Variants in NCKAP5 observed in about 807,000 individuals in gnomAD.
The protein encoded by NCKAP5 is NCK associated protein 5, also known as nck-associated protein 5.
NCKAP5 carries 92 observed loss-of-function variants against 167.0 expected under a neutral mutation model. That is an observed-to-expected ratio of 0.55 (90% CI 0.47 to 0.66). The LOEUF (loss-of-function observed/expected upper bound fraction) is 0.66. Ranked by LOEUF, NCKAP5 falls within the 30% of genes least tolerant of loss-of-function variation. NCKAP5 has a pLI of 0.00. For synonymous variants in NCKAP5, 891 were observed against 877.4 expected, an observed-to-expected ratio of 1.02 and a Z score of -0.27; for missense variants, 2,378 against 2,315.0, an observed-to-expected ratio of 1.03 and a Z score of -0.56.
At chr2:133,497,285 A>C (rs1408229530) in intron 3 of NCKAP5, among the ~76,000 whole-genome samples, 1 of 152,208 alleles carries the variant, frequency 6.6e-6, no homozygotes, top group Non-Finnish European at 1.5e-5. Context: ...ACTACAACAC[A>C]GCTTATCATC....
chr2:132,674,729 G>A (rs1010898337), intron 19 of NCKAP5, among the ~76,000 whole-genome samples: 2 of 152,184 alleles, frequency 1.3e-5, no homozygotes, highest in African/African-American at 4.8e-5. Context: ...TGTGTTCCAA[G>A]AGCAGACACG....
chr2:133,554,458 T>C (rs1334061391), intron 2 of NCKAP5: 1 of 152,140 alleles, frequency 6.6e-6, no homozygotes, highest in Non-Finnish European at 1.5e-5. Flanking sequence ...CAACAGAACA[T>C]TGGTAATTAC....
At chr2:133,499,847 C>A (rs1373984018) in intron 3 of NCKAP5, among the ~76,000 whole-genome samples, 1 of 152,290 alleles carries the variant, frequency 6.6e-6, no homozygotes, top group East Asian at 1.9e-4. Context: ...CGTGAGCCAC[C>A]GCGCCTGGCC....
intron 7 of NCKAP5, among the ~76,000 whole-genome samples, chr2:132,988,460 C>CAAAAA (rs57024269): frequency 6.8e-4 from 48 of 70,614 alleles, no homozygotes; most frequent in African/African-American, 2.4e-3. Flanking sequence ...GACTTTGCCT[C>CAAAAA]AAAAAAAAAA....
intron 8 of NCKAP5, among the ~76,000 whole-genome samples, chr2:132,933,339 G>A (rs1323722132): frequency 2.0e-5 from 3 of 152,162 alleles, no homozygotes; most frequent in African/African-American, 4.8e-5. Context: ...CCATGAGTGA[G>A]GGTAGAGGAA....
chr2:132,981,469 A>G (rs566062081), intron 7 of NCKAP5, among the ~76,000 whole-genome samples: 3 of 152,300 alleles, frequency 2.0e-5, no homozygotes, highest in East Asian at 1.9e-4. Flanking sequence ...GGCATGTGAC[A>G]AGCCCTAAAA....
At chr2:133,578,433 G>A in the NCKAP5 span, among the ~76,000 whole-genome samples, 1 of 152,228 alleles carries the variant, frequency 6.6e-6, no homozygotes, top group African/African-American at 2.4e-5. Flanking sequence ...GCACTGCATG[G>A]GTCCCTTGTC....
At chr2:132,729,027 G>A in intron 17 of NCKAP5, 75 bp from the exon 18 acceptor site, 2 of 1,571,836 alleles carry the variant, frequency 1.3e-6, no homozygotes, top group East Asian at 2.3e-5. Flanking sequence ...AGGAGGTGGG[G>A]GAGACATTCA....
intron 15 of NCKAP5, among the ~76,000 whole-genome samples, chr2:132,775,093 A>G (rs1473761425): frequency 6.6e-6 from 1 of 152,226 alleles, no homozygotes; most frequent in Non-Finnish European, 1.5e-5. Flanking sequence ...GCAGCCAATG[A>G]TAATAACGTG....
intron 3 of NCKAP5, among the ~76,000 whole-genome samples, chr2:133,330,160 A>G: frequency 7.4e-6 from 1 of 135,052 alleles, no homozygotes; most frequent in Non-Finnish European, 1.5e-5. Flanking sequence ...TCTACATCCC[A>G]GGCTCAAGTG....
At chr2:133,072,154 G>A (rs1203164368) in intron 6 of NCKAP5, among the ~76,000 whole-genome samples, 3 of 150,444 alleles carry the variant, frequency 2.0e-5, no homozygotes, top group Non-Finnish European at 2.9e-5. Flanking sequence ...GCATGATCTC[G>A]GCTCACTACA....
chr2:132,935,387 G>A (rs1696761537), intron 8 of NCKAP5, among the ~76,000 whole-genome samples: 1 of 152,192 alleles, frequency 6.6e-6, no homozygotes, highest in Non-Finnish European at 1.5e-5. Flanking sequence ...CCGAGTTTTT[G>A]TTACCGGCAG....
rs566184111 is a variant in NCKAP5, at chr2:132,833,029, T to C, written c.807+27463A>G. On this transcript the variant is annotated intron_variant, in intron 11 of 19. Coordinates refer to ENST00000409261, the MANE Select transcript of NCKAP5 (RefSeq NM_207363.3). The stretch of plus-strand genomic sequence containing the variant: ...CAAGCATTCCTTTTTCTCTGCATCC[T>C]TCACAACATCCATTCTTTTGCCTTA... 3.5e-4 allele frequency among the ~76,000 whole-genome samples: 54 copies of C among 152,274 alleles called. No individual in the cohort carries two copies. In the South Asian group the frequency reaches 0.011, roughly 30 times the overall value.
At position 132,781,991 on chromosome 2, in the gene NCKAP5, C is replaced by A. The variant is rs1311162065; in HGVS notation, c.4820G>T (p.Ser1607Ile). The change falls in exon 14 of 20, where the codon AGC becomes ATC. Residue 1607 changes from serine to isoleucine, a missense_variant. By Grantham distance (142) the Ser-to-Ile change is moderately radical. This residue lies in a region of NCKAP5 where 1,325 missense variants were observed against 1,274.5 expected (regional missense o/e 1.04). Coordinates refer to ENST00000409261, the MANE Select transcript of NCKAP5 (RefSeq NM_207363.3). ...GTCTTTCGTTGAACATGCAACAGGG[C>A]TGTGTCTATTCCTTGGTTCAATCTT... ...QLKIEPRNRH[S>I]PVACSTKDTF... 1 of 1,613,922 alleles carries A rather than the reference C, an allele frequency of 6.2e-7. No homozygotes were observed. Among genetic ancestry groups the A allele is most frequent in the Non-Finnish European group, 8.5e-7 (1 of 1,179,872 alleles).
chr2:133,282,159 A>C (rs1283776686), intron 4 of NCKAP5, among the ~76,000 whole-genome samples: 1 of 152,234 alleles, frequency 6.6e-6, no homozygotes, highest in African/African-American at 2.4e-5. Flanking sequence ...CAAAATGGGA[A>C]GACTAAACCT....
chr2:133,231,911 G>A (rs368557256), intron 4 of NCKAP5, among the ~76,000 whole-genome samples: 4 of 152,234 alleles, frequency 2.6e-5, no homozygotes, highest in East Asian at 3.9e-4. Flanking sequence ...CCGAAATCCA[G>A]AAGAAAGACA....
At chr2:132,850,161 T>C (rs1193524394) in intron 11 of NCKAP5, among the ~76,000 whole-genome samples, 2 of 152,170 alleles carry the variant, frequency 1.3e-5, no homozygotes, top group Non-Finnish European at 2.9e-5. Flanking sequence ...GGTTATTAGA[T>C]CCATGTCCTT....
the NCKAP5 span, among the ~76,000 whole-genome samples, chr2:133,670,998 G>A: frequency 1.3e-5 from 2 of 151,918 alleles, no homozygotes; most frequent in Non-Finnish European, 2.9e-5. Flanking sequence ...GGTGGATCAC[G>A]AGGTCAGGAG....
chr2:133,623,390 A>C, the NCKAP5 span, among the ~76,000 whole-genome samples: 1 of 152,212 alleles, frequency 6.6e-6, no homozygotes, highest in Non-Finnish European at 1.5e-5. Flanking sequence ...AAATCTTCAC[A>C]ATCTATACAC....
Sources: allele counts gnomAD v4.1 joint callset (sites outside exome capture counted in the v4.1 genomes callset), GRCh38; gene constraint gnomAD v4.1.1; regional missense constraint gnomAD v4.1.1; transcripts MANE v1.5; gene names NCBI Gene and HGNC (gene_info 2026-07-23, HGNC 2026-07-21).